The following SMCO4 variants were observed in gnomAD, a reference collection of about 807,000 sequenced individuals.
SMCO4 encodes the protein single-pass membrane protein with coiled-coil domains 4, also known as single-pass membrane and coiled-coil domain-containing protein 4.
In SMCO4, 4 loss-of-function variants were observed where a neutral mutation model predicts 3.6. The ratio of observed to expected loss-of-function variants is 1.11; its 90% CI spans 0.54 to 2.53. The LOEUF is 2.53. Among genes scored for constraint, SMCO4 ranks in the 30% most tolerant of loss-of-function variants. SMCO4 has a pLI of 0.02. For missense variants in SMCO4, 70 were observed against 80.8 expected, an observed-to-expected ratio of 0.87 and a Z score of 0.51; for synonymous variants, 36 against 35.3, an observed-to-expected ratio of 1.02 and a Z score of -0.07.
chr11:93,506,971 A>G (rs1207656233), intron 1 of SMCO4, among the ~76,000 whole-genome samples: 3 of 152,214 alleles, frequency 2.0e-5, no homozygotes, highest in African/African-American at 7.2e-5. Flanking sequence ...TCCTTGAAAG[A>G]ATGACTGAGA....
intron 1 of SMCO4, among the ~76,000 whole-genome samples, chr11:93,535,266 C>A (rs960761275): frequency 6.6e-5 from 10 of 152,190 alleles, no homozygotes; most frequent in African/African-American, 2.4e-4. Context: ...CCAGGTACCA[C>A]AATGCCACCA....
chr11:93,482,963 T>A (rs909263653), intron 2 of SMCO4, among the ~76,000 whole-genome samples: 1 of 152,066 alleles, frequency 6.6e-6, no homozygotes, highest in African/African-American at 2.4e-5. Context: ...TCTAATAGAA[T>A]GGGAGAAAAC....
intron 1 of SMCO4, among the ~76,000 whole-genome samples, chr11:93,521,220 A>G (rs1037989242): frequency 2.0e-5 from 3 of 152,356 alleles, no homozygotes; most frequent in African/African-American, 7.2e-5. Context: ...ACCACAGATT[A>G]GAGCTACAAG....
At chr11:93,529,489 C>G (rs1414835336) in intron 1 of SMCO4, among the ~76,000 whole-genome samples, 2 of 152,102 alleles carry the variant, frequency 1.3e-5, no homozygotes, top group African/African-American at 4.8e-5. Context: ...CAGATAACCT[C>G]CCCAAGCAGG....
At chr11:93,540,764 T>A (rs989667205) in intron 1 of SMCO4, among the ~76,000 whole-genome samples, 29 of 152,218 alleles carry the variant, frequency 1.9e-4, no homozygotes, top group African/African-American at 7.0e-4. Flanking sequence ...TTTTTATCAA[T>A]ACTTCTCAAT....
intron 1 of SMCO4, among the ~76,000 whole-genome samples, chr11:93,519,721 G>C (rs1014268371): frequency 6.6e-6 from 1 of 152,238 alleles, no homozygotes; most frequent in Admixed American, 6.5e-5. Flanking sequence ...TTTCTCATGA[G>C]TGGCTCTCAA....
chr11:93,479,003 G>A lies in SMCO4; in HGVS notation c.*7C>T. The A allele has an allele frequency of 6.3e-7, 1 of 1,599,856 alleles. No homozygotes were observed. Among genetic ancestry groups the A allele is most frequent in the Non-Finnish European group, 8.5e-7 (1 of 1,172,386 alleles). On this transcript the variant is annotated 3_prime_UTR_variant, in exon 3 of 3. Transcript: ENST00000298966. ...CTGCCGATGGGGTCCGCAGCCGGCT[G>A]CGGGGCTCACTCGGTGATGGTGGGG...
At chr11:93,513,690 G>A (rs1023400123) in intron 1 of SMCO4, among the ~76,000 whole-genome samples, 1 of 152,242 alleles carries the variant, frequency 6.6e-6, no homozygotes, top group East Asian at 1.9e-4. Flanking sequence ...CTCCTCAGTG[G>A]AAGAGGATTT....
At chr11:93,501,553 G>A (rs1948838376) in intron 1 of SMCO4, among the ~76,000 whole-genome samples, 2 of 152,108 alleles carry the variant, frequency 1.3e-5, no homozygotes, top group African/African-American at 2.4e-5. Flanking sequence ...TTGGCACACT[G>A]CCTTCTCTTC....
chr11:93,549,294 C>T, the SMCO4 span, among the ~76,000 whole-genome samples: 1 of 152,234 alleles, frequency 6.6e-6, no homozygotes, highest in African/African-American at 2.4e-5. Flanking sequence ...AAGCAATTCA[C>T]CCCAAGCCTG....
upstream of SMCO4, among the ~76,000 whole-genome samples, chr11:93,545,617 A>C (rs1437921354): frequency 1.4e-5 from 2 of 146,124 alleles, no homozygotes; most frequent in African/African-American, 4.9e-5. Flanking sequence ...AAAGAGAGAG[A>C]GAGAGAAAAG....
chr11:93,550,837 AT>A, the SMCO4 span, among the ~76,000 whole-genome samples: 2 of 152,364 alleles, frequency 1.3e-5, no homozygotes, highest in East Asian at 1.9e-4. Context: ...AAAGTAAAAA[AT>A]AACACTTAAT....
intron 1 of SMCO4, among the ~76,000 whole-genome samples, chr11:93,515,801 T>C (rs1949003101): frequency 6.6e-6 from 1 of 152,152 alleles, no homozygotes; most frequent in Non-Finnish European, 1.5e-5. Context: ...TGAACAAATG[T>C]GCACTACACC....
intron 1 of SMCO4, among the ~76,000 whole-genome samples, chr11:93,525,579 C>A (rs1227411958): frequency 6.6e-6 from 1 of 152,170 alleles, no homozygotes; most frequent in Non-Finnish European, 1.5e-5. Context: ...GGCTCTCCTG[C>A]AGGAATAGAG....
At chr11:93,492,124 A>G (rs1181027813) in intron 2 of SMCO4, among the ~76,000 whole-genome samples, 1 of 152,230 alleles carries the variant, frequency 6.6e-6, no homozygotes, top group African/African-American at 2.4e-5. Flanking sequence ...CCCCCAATAA[A>G]GAAGCTAGGG....
intron 2 of SMCO4, among the ~76,000 whole-genome samples, chr11:93,485,172 G>T (rs1045263782): frequency 3.9e-5 from 6 of 152,176 alleles, no homozygotes; most frequent in Admixed American, 3.3e-4. Context: ...ATGAGTAGCT[G>T]GCATTATACT....
chr11:93,492,067 T>C (rs1409332212), intron 2 of SMCO4, among the ~76,000 whole-genome samples: 1 of 152,192 alleles, frequency 6.6e-6, no homozygotes, highest in Non-Finnish European at 1.5e-5. Context: ...ACTGAATTTA[T>C]CAAACAGAAA....
At chr11:93,508,008 A>G (rs1397467799) in intron 1 of SMCO4, among the ~76,000 whole-genome samples, 2 of 152,214 alleles carry the variant, frequency 1.3e-5, no homozygotes, top group Non-Finnish European at 2.9e-5. Context: ...ATATTATCAT[A>G]TATCATATAA....
intron 1 of SMCO4, among the ~76,000 whole-genome samples, chr11:93,530,652 C>A (rs1050271406): frequency 6.6e-6 from 1 of 152,036 alleles, no homozygotes; most frequent in Non-Finnish European, 1.5e-5. Context: ...TTCTTTACTC[C>A]CAACCTCTCC....
Sources: allele counts gnomAD v4.1 joint callset (sites outside exome capture counted in the v4.1 genomes callset), GRCh38; gene constraint gnomAD v4.1.1; transcripts MANE v1.5; gene names NCBI Gene and HGNC (gene_info 2026-07-23, HGNC 2026-07-21).